Variants in GRIK2 observed in about 807,000 individuals in gnomAD.
GRIK2 encodes the protein glutamate ionotropic receptor kainate type subunit 2.
Under a neutral mutation model 100.3 loss-of-function variants are expected in GRIK2, and 32 were observed. The observed-to-expected ratio is 0.32, with a 90% CI of 0.24 to 0.43. The LOEUF (loss-of-function observed/expected upper bound fraction) is 0.43. Ranked by LOEUF, GRIK2 falls within the 20% of genes least tolerant of loss-of-function variation. The probability of loss-of-function intolerance (pLI) is 1.00; values close to 1 mark genes in which losing one functional copy is unlikely to be tolerated. For missense variants in GRIK2, 843 were observed against 1,114.9 expected (o/e 0.76, Z 3.47); for synonymous variants, 417 against 389.4 (o/e 1.07, Z -0.83).
At chr6:101,541,992 A>G (rs1271355611) in intron 2 of GRIK2, among the ~76,000 whole-genome samples, 1 of 152,128 alleles carries the variant, frequency 6.6e-6, no homozygotes, top group Non-Finnish European at 1.5e-5. Flanking sequence ...ATGTAATTAT[A>G]CACAATGATA....
chr6:101,738,137 T>C (rs1047795738), intron 7 of GRIK2, among the ~76,000 whole-genome samples: 3 of 152,126 alleles, frequency 2.0e-5, no homozygotes, highest in Non-Finnish European at 4.4e-5. Flanking sequence ...GGAAAAAATA[T>C]ACAATTGACA....
intron 2 of GRIK2, among the ~76,000 whole-genome samples, chr6:101,559,455 C>T (rs902094596): frequency 9.2e-5 from 14 of 151,864 alleles, no homozygotes; most frequent in Admixed American, 5.9e-4. Flanking sequence ...TAATTGCAAC[C>T]TCTCATTTAA....
chr6:101,702,177 A>G (rs1218225685), intron 7 of GRIK2, among the ~76,000 whole-genome samples: 2 of 152,032 alleles, frequency 1.3e-5, no homozygotes, highest in East Asian at 3.9e-4. Flanking sequence ...GAAAACTCAA[A>G]TGACTGCATG....
At chr6:102,001,295 T>A (rs1198507101) in intron 14 of GRIK2, among the ~76,000 whole-genome samples, 1 of 151,794 alleles carries the variant, frequency 6.6e-6, no homozygotes, top group Non-Finnish European at 1.5e-5. Context: ...CCTATCAACC[T>A]GTCATCTAGG....
intron 2 of GRIK2, among the ~76,000 whole-genome samples, chr6:101,496,082 A>T (rs911740423): frequency 1.3e-5 from 2 of 152,082 alleles, no homozygotes; most frequent in African/African-American, 4.8e-5. Context: ...AGTAGCTGGG[A>T]TTACAGGCGC....
intron 2 of GRIK2, among the ~76,000 whole-genome samples, chr6:101,570,526 C>T (rs1472831868): frequency 1.3e-5 from 2 of 152,120 alleles, no homozygotes; most frequent in African/African-American, 4.8e-5. Context: ...ATATGGTCTC[C>T]AGTGAGGGAT....
Position 101,806,626 on chromosome 6 carries a change from G to GTTTTT in GRIK2, c.1203+4197_1203+4201dup, listed in dbSNP as rs10666025. ...TTTTCTTCTGCCCTACCTACAGAGG[G>GTTTTT]TTTTTTTTTTTTTCTCATTTCCTCA... On this transcript the variant is annotated intron_variant, in intron 9 of 16. Transcript: ENST00000369134. Among the ~76,000 whole-genome samples, 6 of 141,654 alleles carry GTTTTT rather than the reference G, an allele frequency of 4.2e-5. No individual in the cohort carries two copies. In the East Asian group the frequency reaches 6.3e-4, roughly 15 times the overall value. The allele number at this position is 141,654 out of a possible 152,430, so 92.9% of individuals were successfully genotyped here.
chr6:101,774,750 TTATC>T (rs1778635942), intron 7 of GRIK2, among the ~76,000 whole-genome samples: 1 of 152,162 alleles, frequency 6.6e-6, no homozygotes, highest in African/African-American at 2.4e-5. Context: ...TGTTTGAAAA[TTATC>T]TAAACATCTT....
intron 14 of GRIK2, among the ~76,000 whole-genome samples, chr6:101,955,222 T>A (rs1164346651): frequency 6.6e-6 from 1 of 152,068 alleles, no homozygotes; most frequent in African/African-American, 2.4e-5. Context: ...ATGGAGTGAG[T>A]TGGAAAGTGT....
chr6:101,449,528 C>G (rs1018688896), intron 2 of GRIK2, among the ~76,000 whole-genome samples: 2 of 151,564 alleles, frequency 1.3e-5, no homozygotes, highest in East Asian at 3.9e-4. Context: ...AATGAAAACA[C>G]AAGGAAACAA....
At chr6:101,513,220 A>T (rs1442298256) in intron 2 of GRIK2, among the ~76,000 whole-genome samples, 1 of 152,090 alleles carries the variant, frequency 6.6e-6, no homozygotes, top group Non-Finnish European at 1.5e-5. Flanking sequence ...AACAACTCAA[A>T]GGGGTGTGAG....
At chr6:101,454,720 C>T (rs1458429097) in intron 2 of GRIK2, among the ~76,000 whole-genome samples, 2 of 152,052 alleles carry the variant, frequency 1.3e-5, no homozygotes, top group African/African-American at 4.8e-5. Context: ...ATAGCTTTCT[C>T]TGTGGGAAAC....
chr6:101,931,287 T>C (rs564536326), intron 14 of GRIK2, among the ~76,000 whole-genome samples: 1 of 152,168 alleles, frequency 6.6e-6, no homozygotes, highest in Non-Finnish European at 1.5e-5. Context: ...TTACATTTTA[T>C]ACAATTCTTT....
chr6:101,438,187 G>A (rs1769843541), intron 2 of GRIK2, among the ~76,000 whole-genome samples: 1 of 152,108 alleles, frequency 6.6e-6, no homozygotes, highest in South Asian at 2.1e-4. Context: ...GTCCTTGTGG[G>A]TTAAAGTAAG....
intron 14 of GRIK2, among the ~76,000 whole-genome samples, chr6:101,947,045 C>A (rs1791324478): frequency 6.6e-6 from 1 of 152,004 alleles, no homozygotes; most frequent in South Asian, 2.1e-4. Context: ...GATTTACATT[C>A]CAAAAGAGTC....
intron 14 of GRIK2, among the ~76,000 whole-genome samples, chr6:101,996,742 C>T (rs1182652607): frequency 6.6e-6 from 1 of 152,050 alleles, no homozygotes; most frequent in Non-Finnish European, 1.5e-5. Context: ...GCCTTAAAAT[C>T]CTGCCCCACA....
In GRIK2 at chr6:101,487,765, T is replaced by C. The variant is rs1357032197; in HGVS notation, c.115+88373T>C. The stretch of plus-strand genomic sequence containing the variant: ...TTATAGCTTTTTTGTTCTAGTGTTA[T>C]GGATACAGCATTAAATTTAAAAAGA... On this transcript the variant is annotated intron_variant, in intron 2 of 16. Coordinates refer to ENST00000369134, the MANE Select transcript of GRIK2 (RefSeq NM_021956.5). Among the ~76,000 whole-genome samples the C allele has an allele frequency of 1.4e-5, 2 of 146,752 alleles. 1 individual carries two copies. The highest frequency in any genetic ancestry group is 3.0e-5 in the Non-Finnish European group (2 of 66,666).
At chr6:101,796,277 C>T (rs955433255) in intron 7 of GRIK2, among the ~76,000 whole-genome samples, 6 of 152,034 alleles carry the variant, frequency 3.9e-5, no homozygotes, top group Non-Finnish European at 7.4e-5. Flanking sequence ...AAGGAGAGTG[C>T]CTCACACACA....
chr6:101,409,638 A>G (rs1173889620), intron 2 of GRIK2, among the ~76,000 whole-genome samples: 1 of 152,026 alleles, frequency 6.6e-6, no homozygotes, highest in Non-Finnish European at 1.5e-5. Flanking sequence ...ATATTCATAA[A>G]TTAGGAAAAA....
Sources: gnomAD v4.1 joint callset for allele counts (sites outside exome capture counted in the v4.1 genomes callset) on GRCh38, gnomAD v4.1.1 for gene constraint, MANE v1.5 for transcripts, NCBI Gene and HGNC (gene_info 2026-07-23, HGNC 2026-07-21) for gene names.